CFAP61: variants seen among roughly 807,000 people sequenced by gnomAD.
CFAP61 encodes cilia and flagella associated protein 61.
CFAP61 carries 107 observed loss-of-function variants against 135.6 expected under a neutral mutation model. The ratio of observed to expected loss-of-function variants is 0.79; its 90% CI spans 0.67 to 0.93. The LOEUF (loss-of-function observed/expected upper bound fraction) is 0.93, where lower values mean the gene tolerates loss of function less well. Ranked by LOEUF, CFAP61 falls within the 40% of genes least tolerant of loss-of-function variation. The pLI is 0.00. For missense variants in CFAP61, 1,507 were observed against 1,556.2 expected (o/e 0.97, Z 0.53); for synonymous variants, 575 against 578.5 (o/e 0.99, Z 0.09).
chr20:20,277,989 A>G (rs561543649), intron 22 of CFAP61, among the ~76,000 whole-genome samples: 3 of 152,214 alleles, frequency 2.0e-5, no homozygotes, highest in Admixed American at 6.5e-5. Context: ...GAAATCAAGC[A>G]GCATTCCTCC....
At chr20:20,169,032 G>A (rs2273124) in intron 12 of CFAP61, among the ~76,000 whole-genome samples, 136,951 of 152,220 alleles carry the variant, frequency 0.9, 62,424 homozygotes, top group Middle Eastern at 0.99. Flanking sequence ...AATTGTCTTG[G>A]TTTAAAAACT....
chr20:20,112,650 C>G (rs1324968648), intron 8 of CFAP61, among the ~76,000 whole-genome samples: 1 of 152,066 alleles, frequency 6.6e-6, no homozygotes, highest in Non-Finnish European at 1.5e-5. Context: ...GTGAGGGAGT[C>G]AATGGAAGCC....
chr20:20,153,676 C>A (rs1160378761), intron 9 of CFAP61, among the ~76,000 whole-genome samples: 1 of 152,022 alleles, frequency 6.6e-6, no homozygotes, highest in East Asian at 1.9e-4. Flanking sequence ...AATAGAAACT[C>A]TGAACAGACC....
intron 6 of CFAP61, among the ~76,000 whole-genome samples, chr20:20,080,627 G>A (rs775999165): frequency 2.6e-4 from 40 of 152,270 alleles, no homozygotes; most frequent in Non-Finnish European, 4.9e-4. Context: ...ATTATTCAAC[G>A]TAAATATCAT....
At chr20:20,319,624 A>G (rs2057333390) in intron 25 of CFAP61, among the ~76,000 whole-genome samples, 1 of 152,160 alleles carries the variant, frequency 6.6e-6, no homozygotes, top group African/African-American at 2.4e-5. Context: ...CTCCCTAGAT[A>G]TGCTTCCTGT....
At chr20:20,341,250 A>G (rs1323587814) in intron 25 of CFAP61, among the ~76,000 whole-genome samples, 1 of 152,204 alleles carries the variant, frequency 6.6e-6, no homozygotes, top group African/African-American at 2.4e-5. Context: ...TAAATAAAGG[A>G]TAATCTTATT....
chr20:20,067,784 A>G (rs1311240451), intron 2 of CFAP61, among the ~76,000 whole-genome samples: 1 of 141,246 alleles, frequency 7.1e-6, no homozygotes, highest in Non-Finnish European at 1.5e-5. Context: ...TATTATATAT[A>G]TATATATACC....
chr20:20,338,865 C>G (rs1274954328), intron 25 of CFAP61, among the ~76,000 whole-genome samples: 2 of 152,228 alleles, frequency 1.3e-5, no homozygotes, highest in Admixed American at 6.5e-5. Flanking sequence ...AATGATCGGA[C>G]TATATCGACC....
At chr20:20,204,083 A>G (rs1188309996) in intron 17 of CFAP61, among the ~76,000 whole-genome samples, 1 of 152,144 alleles carries the variant, frequency 6.6e-6, no homozygotes, top group African/African-American at 2.4e-5. Flanking sequence ...GTTGCTCCCC[A>G]TCATCCACTT....
chr20:20,079,555 T>C (rs1450542841), intron 6 of CFAP61, among the ~76,000 whole-genome samples: 2 of 152,164 alleles, frequency 1.3e-5, no homozygotes, highest in Non-Finnish European at 2.9e-5. Flanking sequence ...GCAAACAGTG[T>C]AATGTGATCC....
chr20:20,110,437 A>C (rs1422846817), intron 8 of CFAP61, among the ~76,000 whole-genome samples: 1 of 152,206 alleles, frequency 6.6e-6, no homozygotes, highest in African/African-American at 2.4e-5. Flanking sequence ...CAAGGAAAGA[A>C]ATCTGCAAAA....
chr20:20,218,231 TG>T (rs1468680418), intron 17 of CFAP61, among the ~76,000 whole-genome samples: 1 of 152,152 alleles, frequency 6.6e-6, no homozygotes, highest in Non-Finnish European at 1.5e-5. Context: ...AATTGAATCA[TG>T]GGGACTGGTC....
At chr20:20,320,528 T>TATATATGTA (rs1446444437) in intron 25 of CFAP61, among the ~76,000 whole-genome samples, 115 of 10,112 alleles carry the variant, frequency 0.011, 32 homozygotes, top group African/African-American at 0.043. Context: ...TAATATATAT[T>TATATATGTA]ATATATGTAA....
In CFAP61 at chr20:20,342,626, C is replaced by A. The variant is rs111228225; in HGVS notation, c.3513+705C>A. ...CCGGGGCCTGGGTTAGCTTCTACCT[C>A]GTGTTACCGTCTACATAGGCAACTC... is the stretch of plus-strand genomic sequence containing the variant. On this transcript the variant is annotated intron_variant, in intron 26 of 26. Coordinates refer to ENST00000245957, the MANE Select transcript of CFAP61 (RefSeq NM_015585.4). 1.1e-3 allele frequency among the ~76,000 whole-genome samples: 174 copies of A among 152,314 alleles called. 1 individual carries two copies. Among genetic ancestry groups the A allele is most frequent in the Middle Eastern group, 6.8e-3 (2 of 294 alleles).
At chr20:20,113,817 T>G (rs2048953549) in intron 8 of CFAP61, among the ~76,000 whole-genome samples, 1 of 152,178 alleles carries the variant, frequency 6.6e-6, no homozygotes, top group African/African-American at 2.4e-5. Context: ...TTTGGGATTC[T>G]CTGTTCTATT....
At chr20:20,210,601 A>G (rs754529437) in intron 17 of CFAP61, among the ~76,000 whole-genome samples, 4 of 152,174 alleles carry the variant, frequency 2.6e-5, no homozygotes, top group Non-Finnish European at 5.9e-5. Context: ...ACACCCCACT[A>G]GGATGACAGC....
chr20:20,276,847 A>T (rs1175456700), intron 21 of CFAP61, among the ~76,000 whole-genome samples: 1 of 152,232 alleles, frequency 6.6e-6, no homozygotes, highest in East Asian at 1.9e-4. Context: ...GGTTTCCTTA[A>T]TAAGTATAGC....
intron 22 of CFAP61, among the ~76,000 whole-genome samples, chr20:20,286,843 C>A (rs926741533): frequency 6.6e-6 from 1 of 151,980 alleles, no homozygotes; most frequent in African/African-American, 2.4e-5. Context: ...CCTTTAAAAC[C>A]CAGAAAAACA....
intron 20 of CFAP61, among the ~76,000 whole-genome samples, chr20:20,255,734 G>C (rs1269533476): frequency 6.6e-6 from 1 of 152,152 alleles, no homozygotes; most frequent in Non-Finnish European, 1.5e-5. Context: ...GATTACAGGG[G>C]AAAATAAAAG....
Sources: allele counts gnomAD v4.1 joint callset (sites outside exome capture counted in the v4.1 genomes callset), GRCh38; gene constraint gnomAD v4.1.1; transcripts MANE v1.5; gene names NCBI Gene and HGNC (gene_info 2026-07-23, HGNC 2026-07-21).